GDF6: variants seen among roughly 807,000 people sequenced by gnomAD.
GDF6 encodes the protein growth/differentiation factor 6.
In GDF6, 3 loss-of-function variants were observed where a neutral mutation model predicts 32.4. The observed-to-expected ratio is 0.09, with a 90% CI of 0.04 to 0.24. The LOEUF (loss-of-function observed/expected upper bound fraction) is 0.24. GDF6 is among the 10% of genes least tolerant of loss of function. The pLI, the probability that GDF6 is intolerant of heterozygous loss-of-function variation, is 1.00. For missense variants in GDF6, 589 were observed against 637.9 expected, an observed-to-expected ratio of 0.92 and a Z score of 0.83; for synonymous variants, 296 against 295.3, an observed-to-expected ratio of 1.00 and a Z score of -0.03.
intron 1 of GDF6, among the ~76,000 whole-genome samples, chr8:96,156,377 C>T (rs146195443): frequency 1.4e-5 from 2 of 140,774 alleles, no homozygotes; most frequent in African/African-American, 2.7e-5. Context: ...TCTCTCTTTC[C>T]CTCTCTCTCT....
intron 1 of GDF6, among the ~76,000 whole-genome samples, chr8:96,150,251 C>T (rs1812546713): frequency 6.6e-6 from 1 of 152,178 alleles, no homozygotes; most frequent in Non-Finnish European, 1.5e-5. Flanking sequence ...TACGCAGTGA[C>T]CCTGGATAGC....
intron 1 of GDF6, among the ~76,000 whole-genome samples, chr8:96,156,387 T>TCTCTTTCC (rs1554572235): frequency 7.5e-6 from 1 of 132,614 alleles, no homozygotes; most frequent in African/African-American, 3.4e-5. Context: ...CCTCTCTCTC[T>TCTCTTTCC]CTCTCTCTCT....
In GDF6 at chr8:96,144,289, A is replaced by AGAGAGAGGGG; in HGVS notation, c.*273_*274insCCCCTCTCTC. The AGAGAGAGGGG allele has an allele frequency of 2.0e-6, 1 of 495,888 alleles. No homozygotes were observed. Among genetic ancestry groups the AGAGAGAGGGG allele is most frequent in the Non-Finnish European group, 3.6e-6 (1 of 276,974 alleles). The allele number at this position is 495,888 out of a possible 1,614,324, so 30.7% of individuals were successfully genotyped here. ...GAGAGAGAGAGAGAGAGAGAGAGAG[A>AGAGAGAGGGG]GAAAACAGAACAAAAGAAATCCTCC... On this transcript the variant is annotated 3_prime_UTR_variant, in exon 2 of 2. Transcript: ENST00000287020. This position sits in a 1 kb window ranked among gnomAD's most constrained non-coding sequence, Gnocchi z 5.1.
At chr8:96,159,551 C>T (rs1012731561) in intron 1 of GDF6, among the ~76,000 whole-genome samples, 7 of 152,314 alleles carry the variant, frequency 4.6e-5, no homozygotes, top group Admixed American at 6.5e-5. Context: ...ACCCATGTAC[C>T]TTTGTGTATT....
rs1478548200 is a variant in GDF6, at chr8:96,144,262, G to GAGAGAC, written c.*300_*301insGTCTCT. On this transcript the variant is annotated 3_prime_UTR_variant, in exon 2 of 2. Transcript: ENST00000287020. The surrounding 1 kb of genome is among the most constrained non-coding windows in gnomAD (Gnocchi z 5.1). ...ACAGTAATAGAGAGAGAGAGAGAGAGAGAGAGAGAGAGAGAGAGAGAGAGA... is the reference window on the plus strand; with the variant it reads ...ACAGTAATAGAGAGAGAGAGAGAGAGAGAGACAGAGAGAGAGAGAGAGAGAGAGAGA... 9.3e-6 allele frequency: 4 copies of GAGAGAC among 428,956 alleles called. No homozygotes were observed. The highest frequency in any genetic ancestry group is 6.9e-5 in the African/African-American group (3 of 43,646). The allele number at this position is 428,956 out of a possible 1,614,324, so 26.6% of individuals were successfully genotyped here. A position where few individuals can be genotyped will look rare whatever the true frequency, so the allele number is the denominator to read the frequency against.
At chr8:96,156,160 T>G (rs1035724773) in intron 1 of GDF6, among the ~76,000 whole-genome samples, 4 of 152,248 alleles carry the variant, frequency 2.6e-5, no homozygotes, top group Non-Finnish European at 5.9e-5. Context: ...TGTTCCTTAC[T>G]GCCTCCTTTT....
At chr8:96,148,539 G>C (rs944555473) in intron 1 of GDF6, among the ~76,000 whole-genome samples, 1 of 152,226 alleles carries the variant, frequency 6.6e-6, no homozygotes. Flanking sequence ...GAGGCTTGTG[G>C]TAGGGTCTAG....
chr8:96,157,881 A>C (rs1217084296), intron 1 of GDF6, among the ~76,000 whole-genome samples: 1 of 152,122 alleles, frequency 6.6e-6, no homozygotes, highest in Non-Finnish European at 1.5e-5. Flanking sequence ...GTGACACATC[A>C]AATCAAAATC....
At position 96,145,746 on chromosome 8, in the gene GDF6, C is replaced by G. The variant is rs1812475402; in HGVS notation, c.407-222G>C. On this transcript the variant is annotated intron_variant, in intron 1 of 1. Coordinates refer to ENST00000287020, the MANE Select transcript of GDF6 (RefSeq NM_001001557.4). This position sits in a 1 kb window ranked among gnomAD's most constrained non-coding sequence, Gnocchi z 5.6. Reference sequence around the variant, plus strand: ...CGGGCCCCCTCCTTCGCGTCAGCTCCGGACTCTCAGGGCGGAAGTCGGTGG... The same window carrying G: ...CGGGCCCCCTCCTTCGCGTCAGCTCGGGACTCTCAGGGCGGAAGTCGGTGG... Among the ~76,000 whole-genome samples the G allele has an allele frequency of 6.6e-6, 1 of 152,090 alleles. No homozygotes were observed. The highest frequency in any genetic ancestry group is 1.5e-5 in the Non-Finnish European group (1 of 68,002).
rs887097556 is a variant in GDF6 at position 96,142,367 on chromosome 8, C to A, written c.*2196G>T. The stretch of plus-strand genomic sequence containing the variant: ...AAAATGCGTTTAATAATATAGCATT[C>A]GATTGCATATCATCCAGGAAAGGTG... On this transcript the variant is annotated 3_prime_UTR_variant, in exon 2 of 2. Transcript: ENST00000287020. 6.6e-6 allele frequency: 1 copy of A among 152,058 alleles called. No individual in the cohort carries two copies. Among genetic ancestry groups the A allele is most frequent in the Non-Finnish European group, 1.5e-5 (1 of 68,004 alleles). 9.4% of individuals were successfully genotyped at this position (152,058 alleles called of 1,614,324 possible).
intron 1 of GDF6, among the ~76,000 whole-genome samples, chr8:96,149,319 A>G (rs988690623): frequency 7.2e-5 from 11 of 152,176 alleles, no homozygotes; most frequent in Non-Finnish European, 1.5e-4. Flanking sequence ...CTTTGCATCA[A>G]CCTGGTTTGT....
At chr8:96,148,246 G>A (rs1009366527) in intron 1 of GDF6, among the ~76,000 whole-genome samples, 1 of 152,194 alleles carries the variant, frequency 6.6e-6, no homozygotes, top group Non-Finnish European at 1.5e-5. Context: ...CCTCACCTGT[G>A]AGCATGTGGC....
intron 1 of GDF6, among the ~76,000 whole-genome samples, chr8:96,152,079 T>A (rs1337423845): frequency 6.6e-6 from 1 of 152,214 alleles, no homozygotes; most frequent in Non-Finnish European, 1.5e-5. Flanking sequence ...ACTTCAGTCC[T>A]TGTGGTCCAC....
chr8:96,159,390 G>A (rs145576863), intron 1 of GDF6, among the ~76,000 whole-genome samples: 1 of 152,122 alleles, frequency 6.6e-6, no homozygotes, highest in African/African-American at 2.4e-5. Flanking sequence ...GATCAACGCC[G>A]GTGGCAAGAA....
chr8:96,144,289 A>AGAGAGAGAGAGAGG lies in GDF6; in HGVS notation c.*273_*274insCCTCTCTCTCTCTC, dbSNP rs1370445465. 71 of 495,990 alleles carry AGAGAGAGAGAGAGG rather than the reference A, an allele frequency of 1.4e-4. 1 individual carries two copies. In the African/African-American group the frequency reaches 1.6e-3, roughly 11 times the overall value. 30.7% of individuals were successfully genotyped at this position (495,990 alleles called of 1,614,324 possible). ...GAGAGAGAGAGAGAGAGAGAGAGAG[A>AGAGAGAGAGAGAGG]GAAAACAGAACAAAAGAAATCCTCC... On this transcript the variant is annotated 3_prime_UTR_variant, in exon 2 of 2. Coordinates refer to ENST00000287020, the MANE Select transcript of GDF6 (RefSeq NM_001001557.4). This position sits in a 1 kb window ranked among gnomAD's most constrained non-coding sequence, Gnocchi z 5.1.
intron 1 of GDF6, among the ~76,000 whole-genome samples, chr8:96,147,380 A>G (rs190401166): frequency 1.3e-5 from 2 of 152,316 alleles, no homozygotes; most frequent in Admixed American, 1.3e-4. Flanking sequence ...CCTTCAAAGA[A>G]ACCTGTGTCT....
At chr8:96,150,805 CATT>C (rs2130219241) in intron 1 of GDF6, among the ~76,000 whole-genome samples, 1 of 152,364 alleles carries the variant, frequency 6.6e-6, no homozygotes, top group South Asian at 2.1e-4. Flanking sequence ...ATAGCTTCAT[CATT>C]AGTGTAATCA....
rs1563507972 is a variant in GDF6 at position 96,144,285 on chromosome 8, A to AGAGAGAGAGAGAGAGG, written c.*277_*278insCCTCTCTCTCTCTCTC. ...GAGAGAGAGAGAGAGAGAGAGAGAG[A>AGAGAGAGAGAGAGAGG]GAGAGAAAACAGAACAAAAGAAATC... On this transcript the variant is annotated 3_prime_UTR_variant, in exon 2 of 2. Transcript: ENST00000287020. The surrounding 1 kb of genome is among the most constrained non-coding windows in gnomAD (Gnocchi z 5.1). 4.0e-6 allele frequency: 2 copies of AGAGAGAGAGAGAGAGG among 495,222 alleles called. No individual in the cohort carries two copies. Among genetic ancestry groups the AGAGAGAGAGAGAGAGG allele is most frequent in the Admixed American group, 3.3e-5 (1 of 30,182 alleles). The allele number at this position is 495,222 out of a possible 1,614,324, so 30.7% of individuals were successfully genotyped here.
rs1485654106 is a variant in GDF6 at position 96,152,545 on chromosome 8, G to A, written c.407-7021C>T. On this transcript the variant is annotated intron_variant, in intron 1 of 1. Transcript: ENST00000287020. ...TGTTACTGATCTTCACTGTGCAAAG[G>A]GCCAGACACATATTGATGGGGAGGG... is the stretch of plus-strand genomic sequence containing the variant. 5.9e-5 allele frequency among the ~76,000 whole-genome samples: 9 copies of A among 152,290 alleles called. No homozygotes were observed. In the East Asian group the frequency reaches 1.5e-3, roughly 26 times the overall value.
Sources: gnomAD v4.1 joint callset for allele counts (sites outside exome capture counted in the v4.1 genomes callset) on GRCh38, gnomAD v4.1.1 for gene constraint, Gnocchi (gnomAD v3.1) non-coding constraint, MANE v1.5 for transcripts, NCBI Gene and HGNC (gene_info 2026-07-23, HGNC 2026-07-21) for gene names.